The following SLC22A23 variants were observed in gnomAD, a reference collection of about 807,000 sequenced individuals.
SLC22A23 encodes ion transporter protein.
Under a neutral mutation model 61.0 loss-of-function variants are expected in SLC22A23, and 26 were observed. The observed-to-expected ratio is 0.43, with a 90% confidence interval of 0.31 to 0.59. The LOEUF (loss-of-function observed/expected upper bound fraction) is 0.59. Ranked by LOEUF, SLC22A23 falls within the 20% of genes least tolerant of loss-of-function variation. The pLI is 0.11. For missense variants in SLC22A23, 796 were observed against 934.7 expected, an observed-to-expected ratio of 0.85 and a Z score of 1.94; for synonymous variants, 430 against 413.9, an observed-to-expected ratio of 1.04 and a Z score of -0.47.
chr6:3,388,033 T>C (rs1767421379), intron 3 of SLC22A23, among the ~76,000 whole-genome samples: 1 of 152,176 alleles, frequency 6.6e-6, no homozygotes, highest in Admixed American at 6.5e-5. Flanking sequence ...TAAAACCGGA[T>C]GCAGGCTACA....
intron 3 of SLC22A23, among the ~76,000 whole-genome samples, chr6:3,380,997 A>T (rs1186302620): frequency 2.0e-5 from 3 of 152,092 alleles, no homozygotes; most frequent in Non-Finnish European, 2.9e-5. Context: ...AATCTGCCTA[A>T]CCTCATGGGC....
At chr6:3,447,738 G>C (rs1166396548) in intron 1 of SLC22A23, among the ~76,000 whole-genome samples, 1 of 149,384 alleles carries the variant, frequency 6.7e-6, no homozygotes, top group Admixed American at 6.7e-5. Flanking sequence ...ACAGGTGCCC[G>C]CCACCACACC....
At chr6:3,440,702 G>A (rs1165391931) in intron 1 of SLC22A23, among the ~76,000 whole-genome samples, 40 of 103,752 alleles carry the variant, frequency 3.9e-4, no homozygotes, top group South Asian at 9.0e-4. Context: ...GCAAGACTCC[G>A]TCTCAGAAAA....
At chr6:3,437,745 AT>A (rs66470069) in intron 1 of SLC22A23, among the ~76,000 whole-genome samples, 69,652 of 114,184 alleles carry the variant, frequency 0.61, 20,016 homozygotes, top group Middle Eastern at 0.82. Flanking sequence ...AACTTACTAG[AT>A]TTTTTTTTTT....
In SLC22A23 at chr6:3,386,098, G is replaced by A. The variant is rs1304958659; in HGVS notation, c.913+24090C>T. 1.3e-5 allele frequency among the ~76,000 whole-genome samples: 2 copies of A among 152,176 alleles called. No individual in the cohort carries two copies. Among genetic ancestry groups the A allele is most frequent in the Non-Finnish European group, 1.5e-5 (1 of 68,038 alleles). On this transcript the variant is annotated intron_variant, in intron 3 of 9. Transcript: ENST00000406686. The surrounding 1 kb of genome is among the most constrained non-coding windows in gnomAD (Gnocchi z 4.4). ...CCATTCCTGTGGTCACTGATGAGGG[G>A]ACTTCAATCGGCTTGAAGAACTCAC... is the stretch of plus-strand genomic sequence containing the variant.
chr6:3,310,431 A>C (rs1762310760), intron 4 of SLC22A23, among the ~76,000 whole-genome samples: 2 of 127,782 alleles, frequency 1.6e-5, no homozygotes, highest in African/African-American at 6.3e-5. Context: ...CTCCCACTCG[A>C]GCACCCTGTC....
At chr6:3,299,766 G>C (rs1357080021) in intron 4 of SLC22A23, among the ~76,000 whole-genome samples, 2 of 152,116 alleles carry the variant, frequency 1.3e-5, no homozygotes, top group Non-Finnish European at 2.9e-5. Context: ...AGTGGGTGTG[G>C]CTATGGGCTA....
At chr6:3,280,141 C>T (rs896438706) in intron 9 of SLC22A23, among the ~76,000 whole-genome samples, 5 of 152,164 alleles carry the variant, frequency 3.3e-5, no homozygotes, top group South Asian at 2.1e-4. Context: ...AGATGCCCAG[C>T]GAAGAAGAAG....
intron 3 of SLC22A23, among the ~76,000 whole-genome samples, chr6:3,352,699 A>G (rs1764846168): frequency 6.6e-6 from 1 of 152,234 alleles, no homozygotes; most frequent in Admixed American, 6.5e-5. Flanking sequence ...AGCATATGAA[A>G]ACTGCCAAGC....
intron 1 of SLC22A23, among the ~76,000 whole-genome samples, chr6:3,447,658 G>T (rs527488762): frequency 5.4e-4 from 77 of 141,552 alleles, no homozygotes; most frequent in Non-Finnish European, 1.0e-3. Flanking sequence ...GTGCAATCTC[G>T]GCTCACTGCA....
Position 3,273,246 on chromosome 6 carries a change from G to A in SLC22A23, c.1870C>T (p.Gln624Ter). 1 of 1,613,204 alleles carries A rather than the reference G, an allele frequency of 6.2e-7. No homozygotes were observed. Among genetic ancestry groups the A allele is most frequent in the Non-Finnish European group, 8.5e-7 (1 of 1,179,358 alleles). Residue 624 changes from glutamine to a stop codon, truncating the protein, a stop_gained, in exon 10 of 10, where the codon CAG (glutamine) becomes TAG (stop). Transcript: ENST00000406686. LOFTEE classifies it high-confidence loss of function. ...CILLLPESRD[Q>*]NLPENISNGE... ...TTAGAAATGTTCTCAGGCAGGTTCT[G>A]GTCCCTGCTCTCGGGCAGCAGGAGG... is the stretch of plus-strand genomic sequence containing the variant.
chr6:3,456,453 G>A lies in SLC22A23; in HGVS notation c.107C>T (p.Ala36Val). The change falls in exon 1 of 10, where the codon GCG (alanine) becomes GTG (valine). Residue 36 changes from alanine to valine, a missense_variant. Transcript: ENST00000406686. This position sits in a 1 kb window ranked among gnomAD's most constrained non-coding sequence, Gnocchi z 7.1. ...SLPPGDAAAS[A>V]PLGGRAGPGG... is the part of the protein sequence containing the mutation. ...GGGGCCCGCGCGTCCCCCGAGGGGCGCCGAGGCCGCCGCGTCCCCGGGCGG... is the reference window on the plus strand; with the variant it reads ...GGGGCCCGCGCGTCCCCCGAGGGGCACCGAGGCCGCCGCGTCCCCGGGCGG... 2 of 1,214,846 alleles carry A rather than the reference G, an allele frequency of 1.6e-6. No individual in the cohort carries two copies. The highest frequency in any genetic ancestry group is 2.0e-6 in the Non-Finnish European group (2 of 979,656). 75.3% of individuals were successfully genotyped at this position (1,214,846 alleles called of 1,614,324 possible). A position where few individuals can be genotyped will look rare whatever the true frequency, so the allele number is the denominator to read the frequency against.
rs1193116662 is a variant in SLC22A23, at chr6:3,360,445, G to C, written c.914-36443C>G. ...GCTCAATCACCAGGAGGTGAGGTGA[G>C]TCACAGAGCTCACTGCATTGCCATT... On this transcript the variant is annotated intron_variant, in intron 3 of 9. Coordinates refer to ENST00000406686, the MANE Select transcript of SLC22A23 (RefSeq NM_015482.2). This position sits in a 1 kb window ranked among gnomAD's most constrained non-coding sequence, Gnocchi z 4.6. Among the ~76,000 whole-genome samples, 1 of 152,146 alleles carries C rather than the reference G, an allele frequency of 6.6e-6. No individual in the cohort carries two copies. The highest frequency in any genetic ancestry group is 1.5e-5 in the Non-Finnish European group (1 of 68,036).
chr6:3,387,594 T>C lies in SLC22A23; in HGVS notation c.913+22594A>G, dbSNP rs574131025. 1.5e-4 allele frequency among the ~76,000 whole-genome samples: 23 copies of C among 152,334 alleles called. No individual in the cohort carries two copies. In the East Asian group the frequency reaches 3.7e-3, roughly 24 times the overall value. On this transcript the variant is annotated intron_variant, in intron 3 of 9. Transcript: ENST00000406686. This position sits in a 1 kb window ranked among gnomAD's most constrained non-coding sequence, Gnocchi z 5.0. Reference sequence around the variant, plus strand: ...CACGACAACGTCCGTTTCTCAGCTCTGGGGACCGTAGCGTGGTTATGTGAG... The same window carrying C: ...CACGACAACGTCCGTTTCTCAGCTCCGGGGACCGTAGCGTGGTTATGTGAG...
At position 3,410,240 on chromosome 6, in the gene SLC22A23, C is replaced by T; in HGVS notation, c.861G>A (p.Arg287=). ...CAGCCAGGCAAAATCCTTCAAAGAACCTGAGTGTGCTGAACATTGTCACAT... is the reference window on the plus strand; with the variant it reads ...CAGCCAGGCAAAATCCTTCAAAGAATCTGAGTGTGCTGAACATTGTCACAT... ...SVNVTMFSTL[R]FFEGFCLAGI... The change falls in exon 3 of 10, where the codon AGG becomes AGA. Residue 287 remains arginine, a synonymous_variant. Transcript: ENST00000406686. This position sits in a 1 kb window ranked among gnomAD's most constrained non-coding sequence, Gnocchi z 5.0. The T allele has an allele frequency of 2.5e-6, 4 of 1,613,942 alleles. No homozygotes were observed. The highest frequency in any genetic ancestry group is 1.6e-4 in the Middle Eastern group (1 of 6,062).
chr6:3,421,233 T>C (rs922091151), intron 1 of SLC22A23, among the ~76,000 whole-genome samples: 2 of 152,250 alleles, frequency 1.3e-5, no homozygotes, highest in African/African-American at 4.8e-5. Flanking sequence ...AACTAGGCAC[T>C]GTTTTTCTGG....
At chr6:3,348,906 G>C (rs548962114) in intron 3 of SLC22A23, among the ~76,000 whole-genome samples, 5 of 152,358 alleles carry the variant, frequency 3.3e-5, no homozygotes, top group African/African-American at 7.2e-5. Flanking sequence ...CCTCAGAGGA[G>C]AGTCAACTGG....
In SLC22A23 at chr6:3,269,401, T is replaced by C. The variant is rs1267311010; in HGVS notation, c.*3654A>G. ...TTTTATTACTCACCATTAATGGTAG[T>C]GAAATGCCCTTCGGTGGATACCATC... On this transcript the variant is annotated 3_prime_UTR_variant, in exon 10 of 10. Coordinates refer to ENST00000406686, the MANE Select transcript of SLC22A23 (RefSeq NM_015482.2). 2 of 152,522 alleles carry C rather than the reference T, an allele frequency of 1.3e-5. No homozygotes were observed. Among genetic ancestry groups the C allele is most frequent in the African/African-American group, 4.8e-5 (2 of 41,458 alleles). 9.4% of individuals were successfully genotyped at this position (152,522 alleles called of 1,614,324 possible). A position where few individuals can be genotyped will look rare whatever the true frequency, so the allele number is the denominator to read the frequency against.
At chr6:3,398,703 G>A (rs774793788) in intron 3 of SLC22A23, among the ~76,000 whole-genome samples, 55 of 151,954 alleles carry the variant, frequency 3.6e-4, no homozygotes, top group Admixed American at 5.2e-4. Flanking sequence ...GCTCCTTGAC[G>A]TTGGTTTCTA....
Sources: allele counts gnomAD v4.1 joint callset (sites outside exome capture counted in the v4.1 genomes callset), GRCh38; gene constraint gnomAD v4.1.1; non-coding constraint Gnocchi (gnomAD v3.1); transcripts MANE v1.5; gene names NCBI Gene and HGNC (gene_info 2026-07-23, HGNC 2026-07-21).